The following ITSN1 variants were observed in gnomAD, a reference collection of about 807,000 sequenced individuals.
ITSN1 encodes the protein intersectin-1.
ITSN1 carries 58 observed loss-of-function variants against 239.8 expected under a neutral mutation model. The observed-to-expected ratio is 0.24, with a 90% confidence interval of 0.20 to 0.30. ITSN1 has a LOEUF of 0.30. Among genes scored for constraint, ITSN1 ranks in the 10% least tolerant of loss-of-function variants. The pLI, the probability that ITSN1 is intolerant of heterozygous loss-of-function variation, is 1.00. For missense variants in ITSN1, 1,558 were observed against 2,103.3 expected, an observed-to-expected ratio of 0.74 and a Z score of 5.07; for synonymous variants, 780 against 770.8, an observed-to-expected ratio of 1.01 and a Z score of -0.20.
intron 8 of ITSN1, among the ~76,000 whole-genome samples, chr21:33,756,196 C>A: frequency 6.9e-6 from 1 of 145,596 alleles, no homozygotes. Flanking sequence ...GCTACTGAGG[C>A]AGGAGAATTG....
chr21:33,854,814 C>T (rs773289582), intron 29 of ITSN1, among the ~76,000 whole-genome samples: 4 of 152,188 alleles, frequency 2.6e-5, no homozygotes, highest in Non-Finnish European at 5.9e-5. Context: ...CACCTTGCAG[C>T]CCTGGAGAAT....
chr21:33,761,415 T>A (rs536450692), intron 8 of ITSN1, among the ~76,000 whole-genome samples: 1 of 152,096 alleles, frequency 6.6e-6, no homozygotes, highest in African/African-American at 2.4e-5. Flanking sequence ...AACTTTTTTT[T>A]TTTTTCTTTT....
At chr21:33,849,417 T>C (rs963921513) in intron 29 of ITSN1, among the ~76,000 whole-genome samples, 2 of 151,696 alleles carry the variant, frequency 1.3e-5, no homozygotes. Context: ...AATAGAAATA[T>C]TAGCTGGGCG....
chr21:33,850,197 A>T (rs1439285380), intron 29 of ITSN1, among the ~76,000 whole-genome samples: 1 of 152,224 alleles, frequency 6.6e-6, no homozygotes, highest in Non-Finnish European at 1.5e-5. Context: ...TGTGGACTGG[A>T]TTCCCCTCCT....
intron 1 of ITSN1, chr21:33,643,536 A>G (rs946366680): frequency 6.6e-6 from 1 of 151,970 alleles, no homozygotes; most frequent in African/African-American, 2.4e-5. Context: ...TACATTTCCT[A>G]TGGGCAATCT....
chr21:33,782,229 T>G, intron 16 of ITSN1, 96 bp downstream of exon 16: 1 of 1,166,748 alleles, frequency 8.6e-7, no homozygotes, highest in Non-Finnish European at 1.3e-6. Flanking sequence ...CAGAAAAATT[T>G]ATTATGCCAT....
intron 34 of ITSN1, among the ~76,000 whole-genome samples, chr21:33,881,347 C>T (rs1398144673): frequency 6.8e-6 from 1 of 147,378 alleles, no homozygotes; most frequent in Non-Finnish European, 1.5e-5. Context: ...GCGGAGCTTG[C>T]AGTGAGCAGA....
chr21:33,644,827 C>T (rs1601391677), intron 1 of ITSN1, among the ~76,000 whole-genome samples: 1 of 147,598 alleles, frequency 6.8e-6, no homozygotes, highest in Non-Finnish European at 1.5e-5. Context: ...AATTCCTTTC[C>T]TTTTTTTTTT....
intron 5 of ITSN1, among the ~76,000 whole-genome samples, chr21:33,747,603 A>G (rs536773355): frequency 6.6e-6 from 1 of 152,338 alleles, no homozygotes; most frequent in South Asian, 2.1e-4. Flanking sequence ...AAAGCAACTC[A>G]TCATGGATAG....
At chr21:33,698,976 A>T (rs987462124) in intron 1 of ITSN1, among the ~76,000 whole-genome samples, 1 of 152,184 alleles carries the variant, frequency 6.6e-6, no homozygotes, top group African/African-American at 2.4e-5. Flanking sequence ...TAAAAGGATA[A>T]TATGTGGAGG....
At chr21:33,749,340 T>G (rs563728548) in intron 5 of ITSN1, among the ~76,000 whole-genome samples, 26 of 152,216 alleles carry the variant, frequency 1.7e-4, no homozygotes, top group South Asian at 1.7e-3. Context: ...TTAGAATATT[T>G]TTGTATAAAG....
intron 5 of ITSN1, among the ~76,000 whole-genome samples, chr21:33,749,792 A>G (rs1288103793): frequency 6.6e-6 from 1 of 152,190 alleles, no homozygotes; most frequent in Non-Finnish European, 1.5e-5. Context: ...AAAGTAGTAA[A>G]TTGATTGCCT....
chr21:33,730,051 T>C (rs944321675), intron 4 of ITSN1, among the ~76,000 whole-genome samples: 2 of 152,176 alleles, frequency 1.3e-5, no homozygotes. Context: ...CTTACGTGGA[T>C]ATGTTAGTTA....
At chr21:33,680,929 T>C (rs1601603718) in intron 1 of ITSN1, among the ~76,000 whole-genome samples, 1 of 152,238 alleles carries the variant, frequency 6.6e-6, no homozygotes, top group Non-Finnish European at 1.5e-5. Flanking sequence ...CAGCTTTTGC[T>C]AAATTATGTT....
intron 11 of ITSN1, among the ~76,000 whole-genome samples, chr21:33,768,250 C>G (rs1014766504): frequency 6.6e-6 from 1 of 151,924 alleles, no homozygotes; most frequent in Non-Finnish European, 1.5e-5. Flanking sequence ...TTGCAGGAAC[C>G]TATTTTAAAT....
intron 29 of ITSN1, among the ~76,000 whole-genome samples, chr21:33,847,191 G>C (rs1399586720): frequency 6.6e-6 from 1 of 152,192 alleles, no homozygotes; most frequent in Non-Finnish European, 1.5e-5. Context: ...TGCCCCTCTG[G>C]ACAGCTCAGA....
intron 31 of ITSN1, among the ~76,000 whole-genome samples, chr21:33,864,881 T>G (rs1009921041): frequency 2.0e-5 from 3 of 152,086 alleles, no homozygotes; most frequent in Non-Finnish European, 4.4e-5. Flanking sequence ...GGGGACCCAT[T>G]TGAGTTGTTC....
At chr21:33,723,666 G>GGT (rs986290540) in intron 4 of ITSN1, among the ~76,000 whole-genome samples, 1 of 152,144 alleles carries the variant, frequency 6.6e-6, no homozygotes, top group African/African-American at 2.4e-5. Context: ...TTGATTCCCA[G>GGT]GTGTACCATT....
intron 2 of ITSN1, among the ~76,000 whole-genome samples, 186 bp from the exon 3 acceptor site, chr21:33,720,992 A>G (rs1480997854): frequency 6.6e-6 from 1 of 151,992 alleles, no homozygotes; most frequent in African/African-American, 2.4e-5. Flanking sequence ...TGTTTCTTAC[A>G]TTTTGTGTCC....
Sources: gnomAD v4.1 joint callset for allele counts (sites outside exome capture counted in the v4.1 genomes callset) on GRCh38, gnomAD v4.1.1 for gene constraint, MANE v1.5 for transcripts, NCBI Gene and HGNC (gene_info 2026-07-23, HGNC 2026-07-21) for gene names.